AFP: variants seen among roughly 807,000 people sequenced by gnomAD.
AFP encodes the protein alpha fetoprotein.
A neutral mutation model predicts 78.9 loss-of-function variants in AFP; 64 were observed. That is an observed-to-expected ratio of 0.81 (90% confidence interval 0.66 to 1.00). AFP has a LOEUF of 1.00. Among genes scored for constraint, AFP ranks in the 50% least tolerant of loss-of-function variants. The pLI is 0.00. For synonymous variants in AFP, 254 were observed against 243.8 expected (o/e 1.04, Z -0.39); for missense variants, 689 against 703.8 (o/e 0.98, Z 0.24).
At chr4:73,446,841 A>G (rs1719843438) in intron 7 of AFP, among the ~76,000 whole-genome samples, 2 of 152,224 alleles carry the variant, frequency 1.3e-5, no homozygotes, top group African/African-American at 4.8e-5. Context: ...AATTAAAATA[A>G]CATAGGATTT....
In AFP at chr4:73,452,539, C is replaced by A. The variant is rs1276062640; in HGVS notation, c.1567C>A (p.Pro523Thr). 6.2e-7 allele frequency: 1 copy of A among 1,614,044 alleles called. No individual in the cohort carries two copies. The highest frequency in any genetic ancestry group is 1.3e-5 in the African/African-American group (1 of 75,024). The change falls in exon 12 of 15, where the codon CCT becomes ACT. Residue 523 changes from proline (P) to threonine (T), a missense_variant. Transcript: ENST00000395792. The part of the protein sequence containing the change: ...SSLVVDETYV[P>T]PAFSDDKFIF... ...CTTGGTGGTGGATGAAACATATGTC[C>A]CTCCTGCATTCTCTGATGACAAGTT...
At chr4:73,454,848 A>C (rs1363495904) in intron 13 of AFP, among the ~76,000 whole-genome samples, 5 of 152,148 alleles carry the variant, frequency 3.3e-5, no homozygotes, top group Non-Finnish European at 4.4e-5. Context: ...GATGTGAAGC[A>C]TTTCTGAAAA....
At chr4:73,454,807 C>A (rs1421769457) in intron 13 of AFP, among the ~76,000 whole-genome samples, 1 of 151,918 alleles carries the variant, frequency 6.6e-6, no homozygotes, top group Non-Finnish European at 1.5e-5. Context: ...ACATAGATAA[C>A]CAAATTAGAT....
Position 73,442,365 on chromosome 4 carries a change from C to A in AFP, c.552C>A (p.Arg184=), listed in dbSNP as rs557766276. Residue 184 remains arginine, a synonymous_variant, in exon 5 of 15, where the codon CGC becomes CGA. Transcript: ENST00000395792. ...CTACAATTCTTCTTTGGGCTGCTCG[C>A]TATGACAAAATAATTCCATCTTGCT... The part of the protein sequence containing the change: ...YAPTILLWAA[R]YDKIIPSCCK... 5 of 1,614,048 alleles carry A rather than the reference C, an allele frequency of 3.1e-6. No individual in the cohort carries two copies. In the East Asian group the frequency reaches 1.1e-4, roughly 36 times the overall value.
At chr4:73,439,810 A>G (rs1719609603) in intron 3 of AFP, among the ~76,000 whole-genome samples, 1 of 152,166 alleles carries the variant, frequency 6.6e-6, no homozygotes, top group African/African-American at 2.4e-5. Flanking sequence ...TTTAAAAAAT[A>G]ATTATTTCAT....
intron 4 of AFP, among the ~76,000 whole-genome samples, chr4:73,441,504 C>G (rs1466054959): frequency 7.2e-6 from 1 of 138,144 alleles, no homozygotes; most frequent in African/African-American, 2.7e-5. Flanking sequence ...GGAGGCGGAG[C>G]TTGCAGTGAG....
intron 11 of AFP, 142 bp from the exon 12 acceptor site, chr4:73,452,259 A>G (rs1720015967): frequency 1.4e-6 from 1 of 734,660 alleles, no homozygotes; most frequent in Non-Finnish European, 2.4e-6. Context: ...ATGTCACATG[A>G]TCCTACATAG....
intron 13 of AFP, 84 bp downstream of exon 13, chr4:73,453,981 T>C (rs1305968995): frequency 2.0e-6 from 3 of 1,516,278 alleles, no homozygotes; most frequent in Non-Finnish European, 9.1e-7. Context: ...TACAAATTTA[T>C]AACTTTAAAA....
chr4:73,437,204 G>T lies in AFP; in HGVS notation c.130G>T (p.Ala44Ser). The T allele has an allele frequency of 6.2e-7, 1 of 1,609,630 alleles. No individual in the cohort carries two copies. The highest frequency in any genetic ancestry group is 8.5e-7 in the Non-Finnish European group (1 of 1,176,510). The change falls in exon 2 of 15, where the codon GCT (alanine) becomes TCT (serine). Residue 44 changes from alanine to serine, a missense_variant. Physicochemically the swap from Ala to Ser is moderately conservative, Grantham distance 99 (BLOSUM62 1). Transcript: ENST00000395792. ...SYQCTAEISL[A>S]DLATIFFAQF... ...CCAATGTACTGCAGAGATAAGTTTA[G>T]CTGACCTGTAAGTTTTGCTTATATA...
rs1719872018 is a variant in AFP, at chr4:73,447,650, A to G, written c.1032A>G (p.Ser344=). ...LGDRDFNQFS[S]GEKNIFLASF... is the part of the protein sequence containing the mutation. Reference sequence around the variant, plus strand: ...ATAGAGATTTTAACCAATTTTCTTCAGGGGAAAAAAATATCTTCTTGGCAA... The same window carrying G: ...ATAGAGATTTTAACCAATTTTCTTCGGGGGAAAAAAATATCTTCTTGGCAA... The change falls in exon 8 of 15, where the codon TCA becomes TCG. Residue 344 remains serine, a synonymous_variant. Transcript: ENST00000395792. The G allele has an allele frequency of 6.2e-7, 1 of 1,611,256 alleles. No homozygotes were observed. The highest frequency in any genetic ancestry group is 8.5e-7 in the Non-Finnish European group (1 of 1,179,294).
intron 7 of AFP, among the ~76,000 whole-genome samples, chr4:73,445,414 G>C (rs543855975): frequency 5.3e-4 from 81 of 152,208 alleles, no homozygotes; most frequent in Admixed American, 9.8e-4. Context: ...TGGAGGACGG[G>C]AGGAAACTAA....
intron 7 of AFP, among the ~76,000 whole-genome samples, chr4:73,446,024 GT>G (rs1315431901): frequency 6.6e-6 from 1 of 152,172 alleles, no homozygotes; most frequent in Non-Finnish European, 1.5e-5. Context: ...CTGGACTATG[GT>G]TTCCAGAAGG....
At chr4:73,440,871 A>C in intron 4 of AFP, 58 bp downstream of exon 4, 1 of 1,502,676 alleles carries the variant, frequency 6.7e-7, no homozygotes, top group Non-Finnish European at 9.1e-7. Flanking sequence ...TGGCAAGCCT[A>C]ATTTAGTATT....
rs75714404 is a variant in AFP at position 73,454,875 on chromosome 4, T to C, written c.1786-361T>C. Among the ~76,000 whole-genome samples the C allele has an allele frequency of 5.5e-3, 836 of 152,238 alleles. 2 individuals are homozygous for C. Among genetic ancestry groups the C allele is most frequent in the African/African-American group, 8.6e-3 (359 of 41,562 alleles). On this transcript the variant is annotated intron_variant, in intron 13 of 14. Transcript: ENST00000395792. Reference sequence around the variant, plus strand: ...TTCTGAAAAACATGACACAAGAAGATTAATGTTCTCTAATCTGAGAAGACA... The same window carrying C: ...TTCTGAAAAACATGACACAAGAAGACTAATGTTCTCTAATCTGAGAAGACA...
intron 10 of AFP, 86 bp downstream of exon 10, chr4:73,450,219 A>G (rs918279391): frequency 2.3e-5 from 26 of 1,128,260 alleles, no homozygotes; most frequent in Non-Finnish European, 3.3e-5. Flanking sequence ...TGGAAGCAAC[A>G]AGAATGACCT....
At chr4:73,436,383 T>C (rs1274676094) in intron 1 of AFP, 36 bp downstream of exon 1, 1 of 1,231,124 alleles carries the variant, frequency 8.1e-7, no homozygotes, top group Non-Finnish European at 1.1e-6. Flanking sequence ...CTTTTCTCTA[T>C]ATCAAAATTT....
At chr4:73,455,196 T>C (rs781504090) in intron 13 of AFP, 40 bp from the exon 14 acceptor site, 2 of 1,449,208 alleles carry the variant, frequency 1.4e-6, no homozygotes, top group Non-Finnish European at 1.9e-6. Flanking sequence ...GGTATAATAA[T>C]CCATTTCTTT....
At chr4:73,439,319 C>G (rs1485531057) in intron 3 of AFP, among the ~76,000 whole-genome samples, 2 of 152,096 alleles carry the variant, frequency 1.3e-5, no homozygotes, top group Admixed American at 1.3e-4. Context: ...CCTGGAATAT[C>G]ATAGAAGAGA....
At chr4:73,438,873 T>C (rs1719586179) in intron 3 of AFP, among the ~76,000 whole-genome samples, 1 of 152,122 alleles carries the variant, frequency 6.6e-6, no homozygotes, top group Admixed American at 6.5e-5. Flanking sequence ...AAAATAATCC[T>C]TGAAGATAGA....
Sources: allele counts gnomAD v4.1 joint callset (sites outside exome capture counted in the v4.1 genomes callset), GRCh38; gene constraint gnomAD v4.1.1; transcripts MANE v1.5; gene names NCBI Gene and HGNC (gene_info 2026-07-23, HGNC 2026-07-21).